Variants in WDR7 observed in about 807,000 individuals in gnomAD.
WDR7 encodes the protein WD repeat-containing protein 7.
WDR7 carries 46 observed loss-of-function variants against 169.4 expected under a neutral mutation model. The ratio of observed to expected loss-of-function variants is 0.27; its 90% CI spans 0.21 to 0.35. WDR7 has a LOEUF of 0.35. WDR7 is among the 10% of genes least tolerant of loss of function. The pLI is 1.00. For synonymous variants in WDR7, 612 were observed against 666.8 expected (o/e 0.92, Z 1.27); for missense variants, 1,534 against 1,859.3 (o/e 0.83, Z 3.22).
intron 25 of WDR7, among the ~76,000 whole-genome samples, chr18:56,939,978 G>A (rs115215352): frequency 0.014 from 2,083 of 151,524 alleles, 42 homozygotes; most frequent in African/African-American, 0.045. Context: ...ATAGCATGAA[G>A]GGGTATTTTT....
chr18:56,951,333 G>A (rs1052399692), intron 25 of WDR7, among the ~76,000 whole-genome samples: 1 of 152,146 alleles, frequency 6.6e-6, no homozygotes, highest in Admixed American at 6.5e-5. Flanking sequence ...CTGCACTGAG[G>A]ATTAAAGAGC....
chr18:56,679,308 A>T, intron 2 of WDR7, 24 bp from the exon 3 acceptor site: 1 of 1,583,416 alleles, frequency 6.3e-7, no homozygotes, highest in Non-Finnish European at 8.7e-7. Context: ...TGGTACTTAA[A>T]CTAGCATATT....
chr18:56,818,943 A>C (rs2045031901), intron 20 of WDR7, among the ~76,000 whole-genome samples: 1 of 152,186 alleles, frequency 6.6e-6, no homozygotes, highest in Non-Finnish European at 1.5e-5. Context: ...TTTTCAGGGA[A>C]TTCTTATTTG....
At chr18:56,730,607 A>C (rs1438606051) in intron 13 of WDR7, among the ~76,000 whole-genome samples, 1 of 152,112 alleles carries the variant, frequency 6.6e-6, no homozygotes, top group African/African-American at 2.4e-5. Flanking sequence ...TCTACTAAAA[A>C]TACAAAAAAT....
downstream of WDR7, chr18:57,032,439 A>G (rs886543012): frequency 1.3e-5 from 2 of 152,188 alleles, no homozygotes; most frequent in Admixed American, 6.5e-5. Context: ...GTATTCTCTA[A>G]AACAGCGGCC....
chr18:56,923,791 T>C, intron 21 of WDR7, 131 bp from the exon 22 acceptor site: 7 of 804,162 alleles, frequency 8.7e-6, no homozygotes, highest in Non-Finnish European at 9.2e-6. Context: ...AGATCTTGTG[T>C]AGTCTTGAGG....
chr18:56,946,352 T>C (rs908176001), intron 25 of WDR7, among the ~76,000 whole-genome samples: 9 of 152,216 alleles, frequency 5.9e-5, no homozygotes, highest in African/African-American at 2.2e-4. Context: ...ACTCAGTACA[T>C]TGTTTAGTGT....
chr18:56,726,044 T>C (rs1302138495), intron 13 of WDR7, among the ~76,000 whole-genome samples: 2 of 152,208 alleles, frequency 1.3e-5, no homozygotes, highest in African/African-American at 2.4e-5. Flanking sequence ...ACCATGCTGT[T>C]TTGGTTACTG....
At chr18:56,856,657 A>G (rs911789709) in intron 20 of WDR7, among the ~76,000 whole-genome samples, 4 of 152,046 alleles carry the variant, frequency 2.6e-5, no homozygotes, top group African/African-American at 7.2e-5. Context: ...TTTATAGGCT[A>G]TTATCCTAGA....
rs1429114162 is a variant in WDR7, at chr18:56,660,668, AAAAAAG to A, written c.-20+9096_-20+9101del. Among the ~76,000 whole-genome samples, 470 of 152,034 alleles carry A rather than the reference AAAAAAG, an allele frequency of 3.1e-3. 3 individuals are homozygous for A. Among genetic ancestry groups the A allele is most frequent in the African/African-American group, 0.011 (452 of 41,490 alleles). Reference sequence around the variant, plus strand: ...CCAATATTTAAAGGTTAAAAAAAAAAAAAAAGAAAGAAAAGAAAGAAAGGAGACTAA... The same window carrying A: ...CCAATATTTAAAGGTTAAAAAAAAAAAAAGAAAAGAAAGAAAGGAGACTAA... On this transcript the variant is annotated intron_variant, in intron 1 of 27. Transcript: ENST00000254442.
At position 56,799,319 on chromosome 18, in the gene WDR7, CTG is replaced by C. The variant is rs570373390; in HGVS notation, c.3191-16709_3191-16708del. Among the ~76,000 whole-genome samples, 24 of 152,180 alleles carry C rather than the reference CTG, an allele frequency of 1.6e-4. No homozygotes were observed. In the South Asian group the frequency reaches 4.4e-3, roughly 28 times the overall value. ...TAATTTTTATCTAAATGTAGAATCT[CTG>C]TGAAATATATGTAAATAAAAAGGAT... On this transcript the variant is annotated intron_variant, in intron 19 of 27. Transcript: ENST00000254442.
intron 26 of WDR7, among the ~76,000 whole-genome samples, chr18:56,999,727 A>G (rs1298990655): frequency 6.6e-6 from 1 of 152,182 alleles, no homozygotes; most frequent in Non-Finnish European, 1.5e-5. Context: ...TTACACTATC[A>G]TCTTATACAA....
chr18:56,716,575 G>A (rs769301277), intron 12 of WDR7, among the ~76,000 whole-genome samples: 65 of 152,146 alleles, frequency 4.3e-4, no homozygotes, highest in Non-Finnish European at 5.6e-4. Context: ...CTAAATCATG[G>A]TGAAGAGAAT....
intron 21 of WDR7, among the ~76,000 whole-genome samples, chr18:56,898,742 G>C (rs1244593260): frequency 1.3e-5 from 2 of 152,058 alleles, no homozygotes; most frequent in Non-Finnish European, 2.9e-5. Context: ...GAAGACTAAA[G>C]AGACATGACA....
At chr18:56,848,366 A>G (rs1280362808) in intron 20 of WDR7, among the ~76,000 whole-genome samples, 1 of 152,190 alleles carries the variant, frequency 6.6e-6, no homozygotes, top group African/African-American at 2.4e-5. Flanking sequence ...TTTTTATTTC[A>G]CAGGCTCATA....
rs558493890 is a variant in WDR7, at chr18:56,665,770, T to G, written c.-19-6727T>G. Among the ~76,000 whole-genome samples, 172 of 152,296 alleles carry G rather than the reference T, an allele frequency of 1.1e-3. 1 individual carries two copies. The highest frequency in any genetic ancestry group is 3.9e-3 in the African/African-American group (163 of 41,544). On this transcript the variant is annotated intron_variant, in intron 1 of 27. Transcript: ENST00000254442. ...CGATACTTACTTTCACAGTTTGAGTTCCCTGGTGAGCGGACTCTGAGATGG... is the reference window on the plus strand; with the variant it reads ...CGATACTTACTTTCACAGTTTGAGTGCCCTGGTGAGCGGACTCTGAGATGG...
chr18:56,820,905 A>C (rs552059678), intron 20 of WDR7, among the ~76,000 whole-genome samples: 1 of 152,226 alleles, frequency 6.6e-6, no homozygotes, highest in Non-Finnish European at 1.5e-5. Context: ...ATTGATACCT[A>C]GTGTCCCAAA....
intron 6 of WDR7, among the ~76,000 whole-genome samples, chr18:56,686,320 G>T (rs679221): frequency 1.3e-5 from 2 of 151,842 alleles, no homozygotes; most frequent in South Asian, 4.2e-4. Context: ...CTCCTCAACT[G>T]CTTCTGTTTA....
chr18:57,026,831 C>T (rs532848722), intron 27 of WDR7, among the ~76,000 whole-genome samples, 173 bp from the exon 28 acceptor site: 12 of 152,254 alleles, frequency 7.9e-5, no homozygotes, highest in African/African-American at 2.6e-4. Context: ...ATAACAGCAT[C>T]GGAACAATTC....
Sources: allele counts gnomAD v4.1 joint callset (sites outside exome capture counted in the v4.1 genomes callset), GRCh38; gene constraint gnomAD v4.1.1; transcripts MANE v1.5; gene names NCBI Gene and HGNC (gene_info 2026-07-23, HGNC 2026-07-21).